Variants in PPFIA2 observed in about 807,000 individuals in gnomAD.
PPFIA2 encodes the protein PPFI scaffold protein A2.
A neutral mutation model predicts 175.5 loss-of-function variants in PPFIA2; 46 were observed. That is an observed-to-expected ratio of 0.26 (90% CI 0.21 to 0.34). The LOEUF is 0.34. Among genes scored for constraint, PPFIA2 ranks in the 10% least tolerant of loss-of-function variants. The probability of loss-of-function intolerance (pLI) is 1.00; values close to 1 mark genes in which losing one functional copy is unlikely to be tolerated. For synonymous variants in PPFIA2, 568 were observed against 511.4 expected (o/e 1.11, Z -1.49); for missense variants, 1,179 against 1,506.1 (o/e 0.78, Z 3.60).
At chr12:81,341,030 T>G (rs762889585) in intron 20 of PPFIA2, 48 bp downstream of exon 20, 2 of 1,505,366 alleles carry the variant, frequency 1.3e-6, no homozygotes, top group Non-Finnish European at 9.0e-7. Flanking sequence ...AAGAGGAATA[T>G]TTTTGGAAGG....
In PPFIA2 at chr12:81,424,145, T is replaced by C. The variant is rs572899576; in HGVS notation, c.645+15827A>G. ...CATTATTAAATGTTTTACATTAATATTTAATAAGGAAATTTCAGAATTATT... is the reference window on the plus strand; with the variant it reads ...CATTATTAAATGTTTTACATTAATACTTAATAAGGAAATTTCAGAATTATT... On this transcript the variant is annotated intron_variant, in intron 7 of 32. Transcript: ENST00000549396. Among the ~76,000 whole-genome samples the C allele has an allele frequency of 3.8e-3, 580 of 152,178 alleles. 6 individuals are homozygous for C. Among genetic ancestry groups the C allele is most frequent in the Middle Eastern group, 0.024 (7 of 288 alleles).
At chr12:81,481,547 T>G (rs1218953797) in intron 4 of PPFIA2, among the ~76,000 whole-genome samples, 3 of 151,980 alleles carry the variant, frequency 2.0e-5, no homozygotes, top group African/African-American at 7.2e-5. Context: ...AAAAAATACA[T>G]AGACCAATGG....
At chr12:81,684,122 A>T (rs2074093054) in intron 3 of PPFIA2, among the ~76,000 whole-genome samples, 1 of 152,120 alleles carries the variant, frequency 6.6e-6, no homozygotes, top group Non-Finnish European at 1.5e-5. Flanking sequence ...AAACCATAGC[A>T]GTAGATATCC....
chr12:81,464,408 C>T (rs2055201394), intron 4 of PPFIA2, among the ~76,000 whole-genome samples: 1 of 152,066 alleles, frequency 6.6e-6, no homozygotes, highest in Admixed American at 6.6e-5. Context: ...TGCCAACATC[C>T]CTGAAACCTG....
At chr12:81,747,163 A>G (rs1421284689) in intron 3 of PPFIA2, among the ~76,000 whole-genome samples, 1 of 144,298 alleles carries the variant, frequency 6.9e-6, no homozygotes. Context: ...AGAGAAATAC[A>G]CATTAAGAAA....
In PPFIA2 at chr12:81,405,897, C is replaced by T. The variant is rs1399171193; in HGVS notation, c.652G>A (p.Ala218Thr). ...ELAAANQEIV[A>T]LREQNVHIQR... ...ATATGAACATTTTGTTCACGCAAGG[C>T]AACAATCTGCAAAATAAAAGCACTA... The change falls in exon 8 of 33, where the codon GCC (alanine) becomes ACC (threonine). Residue 218 changes from alanine (A) to threonine (T), a missense_variant. Ala to Thr is a moderately conservative substitution (Grantham distance 58, BLOSUM62 0). Coordinates refer to ENST00000549396, the MANE Select transcript of PPFIA2 (RefSeq NM_003625.5). The T allele has an allele frequency of 5.2e-6, 8 of 1,547,962 alleles. No homozygotes were observed. In the African/African-American group the frequency reaches 5.5e-5, roughly 11 times the overall value.
At chr12:81,401,476 A>G (rs2042090820) in intron 8 of PPFIA2, among the ~76,000 whole-genome samples, 1 of 152,102 alleles carries the variant, frequency 6.6e-6, no homozygotes, top group Non-Finnish European at 1.5e-5. Flanking sequence ...CCTCTCTGAC[A>G]CCCCTCAATG....
At chr12:81,624,754 C>G (rs1744106745) in intron 4 of PPFIA2, among the ~76,000 whole-genome samples, 1 of 150,528 alleles carries the variant, frequency 6.6e-6, no homozygotes, top group African/African-American at 2.4e-5. Flanking sequence ...GTAGGTTCTC[C>G]CTTATAAGTG....
At chr12:81,738,981 A>G (rs190202411) in intron 3 of PPFIA2, among the ~76,000 whole-genome samples, 54 of 152,052 alleles carry the variant, frequency 3.6e-4, no homozygotes, top group Non-Finnish European at 1.5e-4. Context: ...AAGGGAAAAT[A>G]CCAGTCCAGA....
At chr12:81,551,791 C>T (rs946105754) in intron 4 of PPFIA2, among the ~76,000 whole-genome samples, 1 of 151,762 alleles carries the variant, frequency 6.6e-6, no homozygotes, top group Non-Finnish European at 1.5e-5. Context: ...ATTTATGTAT[C>T]CTTTTACGAC....
chr12:81,490,190 G>A (rs1415246591), intron 4 of PPFIA2, among the ~76,000 whole-genome samples: 4 of 152,008 alleles, frequency 2.6e-5, no homozygotes, highest in Admixed American at 6.6e-5. Flanking sequence ...AGGTTTACTC[G>A]TGGAGTTTTA....
chr12:81,614,509 AG>A lies in PPFIA2; in HGVS notation c.303+62281del, dbSNP rs533016470. On this transcript the variant is annotated intron_variant, in intron 4 of 32. Transcript: ENST00000549396. ...CAAAATCCCATGTTTAAGATGAGAA[AG>A]ATTATTGGTTTTACAGGAACAAGAC... Among the ~76,000 whole-genome samples the A allele has an allele frequency of 3.5e-3, 538 of 152,266 alleles. 3 individuals are homozygous for A. The highest frequency in any genetic ancestry group is 0.012 in the African/African-American group (501 of 41,568).
chr12:81,750,392 C>T (rs2083592820), intron 3 of PPFIA2, among the ~76,000 whole-genome samples: 1 of 143,046 alleles, frequency 7.0e-6, no homozygotes, highest in African/African-American at 2.4e-5. Flanking sequence ...AAAAGTGTGG[C>T]CCACTGAGGA....
intron 4 of PPFIA2, among the ~76,000 whole-genome samples, chr12:81,503,184 G>A (rs1254180046): frequency 6.6e-6 from 1 of 151,916 alleles, no homozygotes; most frequent in Non-Finnish European, 1.5e-5. Flanking sequence ...CCTCCGATGA[G>A]GACTGTGGTA....
intron 7 of PPFIA2, among the ~76,000 whole-genome samples, chr12:81,426,375 T>A (rs553245298): frequency 6.6e-6 from 1 of 152,264 alleles, no homozygotes; most frequent in Non-Finnish European, 1.5e-5. Flanking sequence ...AACTATAATA[T>A]AATAGATTTC....
At chr12:81,718,593 C>T (rs1296669655) in intron 3 of PPFIA2, among the ~76,000 whole-genome samples, 1 of 151,672 alleles carries the variant, frequency 6.6e-6, no homozygotes. Flanking sequence ...TCTGGTCTAA[C>T]TTCTCAATTT....
intron 3 of PPFIA2, among the ~76,000 whole-genome samples, chr12:81,678,601 A>G (rs1210026803): frequency 1.3e-5 from 2 of 151,894 alleles, no homozygotes; most frequent in Non-Finnish European, 2.9e-5. Flanking sequence ...TTTTTTCTCT[A>G]CCCAGAATCC....
In PPFIA2 at chr12:81,698,816, G is replaced by T. The variant is rs564107331; in HGVS notation, c.250-21972C>A. On this transcript the variant is annotated intron_variant, in intron 3 of 32. Transcript: ENST00000549396. ...ACACACATCTAGTGGAAACAAAAAG[G>T]TTCATTGATTTTTCTCCTTTAAAGT... is the stretch of plus-strand genomic sequence containing the variant. 8.0e-3 allele frequency among the ~76,000 whole-genome samples: 1,219 copies of T among 151,826 alleles called. 4 individuals are homozygous for T. Among genetic ancestry groups the T allele is most frequent in the Non-Finnish European group, 0.012 (816 of 67,876 alleles).
At position 81,526,770 on chromosome 12, in the gene PPFIA2, G is replaced by A. The variant is rs574672785; in HGVS notation, c.304-68904C>T. On this transcript the variant is annotated intron_variant, in intron 4 of 32. Coordinates refer to ENST00000549396, the MANE Select transcript of PPFIA2 (RefSeq NM_003625.5). ...TTAAAATATTTAACATTTTTGCTTA[G>A]TATTTATCTCTAGCTCCTCAATACC... is the stretch of plus-strand genomic sequence containing the variant. Among the ~76,000 whole-genome samples the A allele has an allele frequency of 1.1e-4, 16 of 152,180 alleles. No individual in the cohort carries two copies. The South Asian group carries it at 3.3e-3, about 32-fold the overall frequency.
Sources: allele counts gnomAD v4.1 joint callset (sites outside exome capture counted in the v4.1 genomes callset), GRCh38; gene constraint gnomAD v4.1.1; transcripts MANE v1.5; gene names NCBI Gene and HGNC (gene_info 2026-07-23, HGNC 2026-07-21).